ZNF483: variants seen among roughly 807,000 people sequenced by gnomAD.
ZNF483 encodes the protein zinc finger protein HIT-10.
In ZNF483, 9 loss-of-function variants were observed where a neutral mutation model predicts 28.6. The ratio of observed to expected loss-of-function variants is 0.32; its 90% CI spans 0.19 to 0.55. The LOEUF is 0.55. ZNF483 is among the 20% of genes least tolerant of loss of function. The pLI, the probability that ZNF483 is intolerant of heterozygous loss-of-function variation, is 0.93. For synonymous variants in ZNF483, 322 were observed against 306.2 expected, an observed-to-expected ratio of 1.05 and a Z score of -0.54; for missense variants, 675 against 871.7, an observed-to-expected ratio of 0.77 and a Z score of 2.84.
intron 5 of ZNF483, among the ~76,000 whole-genome samples, chr9:111,573,664 T>C (rs1032332030): frequency 2.6e-5 from 4 of 152,160 alleles, no homozygotes; most frequent in Non-Finnish European, 4.4e-5. Context: ...ATGAGGAGCT[T>C]AGAAGACTGG....
At chr9:111,541,531 A>G (rs1827669900) in intron 5 of ZNF483, 126 bp from the exon 6 acceptor site, 2 of 680,064 alleles carry the variant, frequency 2.9e-6, no homozygotes, top group East Asian at 2.9e-5. Flanking sequence ...CTATTTTACA[A>G]AGCTCTTTTT....
downstream of ZNF483, among the ~76,000 whole-genome samples, chr9:111,560,057 C>T (rs572819607): frequency 4.6e-5 from 7 of 152,132 alleles, 1 homozygote; most frequent in South Asian, 6.2e-4. Context: ...ATCTTCTGGC[C>T]GGGCATGGTG....
In ZNF483 at chr9:111,552,181, A is replaced by G. The variant is rs1200850819; in HGVS notation, c.*9011A>G. On this transcript the variant is annotated 3_prime_UTR_variant, in exon 6 of 6. Coordinates refer to ENST00000309235, the MANE Select transcript of ZNF483 (RefSeq NM_133464.5). ...TTTGGTAAGCATTTCTTTTGTTTCA[A>G]GGAAATCTTGAATTGGATTTTCTAG... 6.6e-6 allele frequency among the ~76,000 whole-genome samples: 1 copy of G among 152,194 alleles called. No individual in the cohort carries two copies. The highest frequency in any genetic ancestry group is 2.4e-5 in the African/African-American group (1 of 41,462).
chr9:111,534,669 A>G (rs1827436007), intron 5 of ZNF483, among the ~76,000 whole-genome samples: 2 of 151,320 alleles, frequency 1.3e-5, no homozygotes, highest in African/African-American at 2.4e-5. Context: ...GAGAACAGGA[A>G]GGAGGGCAGA....
intron 3 of ZNF483, among the ~76,000 whole-genome samples, chr9:111,532,914 A>G (rs1476164419): frequency 2.0e-5 from 3 of 152,142 alleles, no homozygotes; most frequent in South Asian, 2.1e-4. Context: ...GTCTCAAAAA[A>G]AAAAAAAGAA....
downstream of ZNF483, among the ~76,000 whole-genome samples, chr9:111,560,102 T>C (rs12342492): frequency 0.33 from 49,084 of 150,842 alleles, 8,927 homozygotes; most frequent in Non-Finnish European, 0.42. Context: ...TCCCAGCACT[T>C]TGGGAGGCCT....
In ZNF483 at chr9:111,543,734, A is replaced by G; in HGVS notation, c.*564A>G. 1 of 962,646 alleles carries G rather than the reference A, an allele frequency of 1.0e-6. No individual in the cohort carries two copies. The highest frequency in any genetic ancestry group is 1.2e-6 in the Non-Finnish European group (1 of 811,200). The allele number at this position is 962,646 out of a possible 1,614,324, so 59.6% of individuals were successfully genotyped here. A position where few individuals can be genotyped will look rare whatever the true frequency, so the allele number is the denominator to read the frequency against. ...TCAAGTTTCTCTAGTAAAAAATACA[A>G]TACCACTATTCAGGATGCTGGACTT... On this transcript the variant is annotated 3_prime_UTR_variant, in exon 6 of 6. Transcript: ENST00000309235.
rs58638722 is a variant in ZNF483, at chr9:111,551,400, GTTTTTTTTTTT to G, written c.*8245_*8255del. ...TAACTGAATCAAGTATCCAGTTTTT[GTTTTTTTTTTT>G]TTTTTTTTTTTTTTGAGATGGAGTC... On this transcript the variant is annotated 3_prime_UTR_variant, in exon 6 of 6. Transcript: ENST00000309235. 2.7e-5 allele frequency among the ~76,000 whole-genome samples: 2 copies of G among 74,430 alleles called. No individual in the cohort carries two copies. Among genetic ancestry groups the G allele is most frequent in the African/African-American group, 9.5e-5 (2 of 21,028 alleles). The allele number at this position is 74,430 out of a possible 152,430, so 48.8% of individuals were successfully genotyped here.
In ZNF483 at chr9:111,541,980, C is replaced by A. The variant is rs200816466; in HGVS notation, c.1045C>A (p.Arg349Ser). Residue 349 changes from arginine (R) to serine (S), a missense_variant, in exon 6 of 6, where the codon CGC becomes AGC. Around this residue, in one of 6 missense-constraint regions of ZNF483, gnomAD observed 525 missense variants for 581.8 expected, o/e 0.90. Coordinates refer to ENST00000309235, the MANE Select transcript of ZNF483 (RefSeq NM_133464.5). ...FSFHSDLVLNRKEKTAGEKSR... is the reference protein window; with the variant it reads ...FSFHSDLVLNSKEKTAGEKSR... ...TTTTCATTCAGACCTTGTTCTGAAC[C>A]GCAAGGAGAAAACCGCCGGAGAAAA... is the stretch of plus-strand genomic sequence containing the variant. 4 of 1,613,726 alleles carry A rather than the reference C, an allele frequency of 2.5e-6. No individual in the cohort carries two copies. In the African/African-American group the frequency reaches 5.3e-5, roughly 22 times the overall value.
chr9:111,554,048 G>A lies in ZNF483; in HGVS notation c.*10878G>A, dbSNP rs1001293298. Among the ~76,000 whole-genome samples, 1 of 152,200 alleles carries A rather than the reference G, an allele frequency of 6.6e-6. No individual in the cohort carries two copies. The highest frequency in any genetic ancestry group is 1.5e-5 in the Non-Finnish European group (1 of 68,022). ...AGCCTAGAAACAGCTGAGAACCACA[G>A]GTTTCAAACTCGGTGCCAAGGTTTC... On this transcript the variant is annotated 3_prime_UTR_variant, in exon 6 of 6. Transcript: ENST00000309235.
At chr9:111,533,184 A>C (rs2132230413) in intron 3 of ZNF483, among the ~76,000 whole-genome samples, 1 of 152,228 alleles carries the variant, frequency 6.6e-6, no homozygotes, top group East Asian at 1.9e-4. Context: ...AGTCCTAGAA[A>C]TCTATGTGTT....
rs750719424 is a variant in ZNF483, at chr9:111,543,101, C to T, written c.2166C>T (p.Asn722=). Residue 722 remains asparagine (N), a synonymous_variant, in exon 6 of 6, where the codon AAC becomes AAT. Transcript: ENST00000309235. ...IHTGRREYEC[N]ECEKTFKSNS... is the part of the protein sequence containing the mutation. ...CCGGAAGGAGAGAATATGAATGTAA[C>T]GAATGTGAGAAGACATTTAAAAGTA... 2.1e-5 allele frequency: 34 copies of T among 1,613,908 alleles called. No individual in the cohort carries two copies. The highest frequency in any genetic ancestry group is 3.3e-5 in the South Asian group (3 of 91,060).
intron 2 of ZNF483, among the ~76,000 whole-genome samples, chr9:111,528,356 CTATTT>C (rs1182375698): frequency 1.3e-5 from 2 of 152,184 alleles, no homozygotes; most frequent in Non-Finnish European, 2.9e-5. Flanking sequence ...CGACTAGTAA[CTATTT>C]TATAGTGCAG....
At chr9:111,568,261 C>T (rs555738064) in intron 5 of ZNF483, among the ~76,000 whole-genome samples, 10 of 152,126 alleles carry the variant, frequency 6.6e-5, no homozygotes, top group Non-Finnish European at 1.2e-4. Context: ...TAATTAATAT[C>T]CTGGGGAAGG....
At chr9:111,574,772 G>A (rs1441695959) in intron 5 of ZNF483, 1 of 1,613,766 alleles carries the variant, frequency 6.2e-7, no homozygotes, top group Admixed American at 1.7e-5. Context: ...TGTAGAGATG[G>A]CTCCACATAT....
At position 111,527,502 on chromosome 9, in the gene ZNF483, A is replaced by G. The variant is rs1274524429; in HGVS notation, c.107A>G (p.Glu36Gly). Residue 36 changes from glutamate to glycine, a missense_variant, in exon 2 of 6, where the codon GAA (glutamate) becomes GGA (glycine). Glu to Gly is a moderately conservative substitution (Grantham distance 98). Around this residue, in one of 6 missense-constraint regions of ZNF483, gnomAD observed 525 missense variants for 581.8 expected, o/e 0.90. Coordinates refer to ENST00000309235, the MANE Select transcript of ZNF483 (RefSeq NM_133464.5). The part of the protein sequence containing the change: ...NEVPRVVTSG[E>G]QEAILRGNAA... ...GTCCCAAGAGTGGTTACTTCTGGGG[A>G]ACAAGAAGCTATTTTAAGAGGAAAT... The G allele has an allele frequency of 1.9e-6, 3 of 1,614,086 alleles. No homozygotes were observed. The Admixed American group carries it at 5.0e-5, about 27-fold the overall frequency.
At chr9:111,573,856 G>GAACCTC (rs1335024718) in intron 5 of ZNF483, among the ~76,000 whole-genome samples, 1 of 152,142 alleles carries the variant, frequency 6.6e-6, no homozygotes, top group East Asian at 1.9e-4. Flanking sequence ...GAGGGATGTG[G>GAACCTC]TTTCAGCATA....
downstream of ZNF483, among the ~76,000 whole-genome samples, chr9:111,558,891 T>C (rs1200384481): frequency 6.6e-6 from 1 of 152,188 alleles, no homozygotes; most frequent in Non-Finnish European, 1.5e-5. Context: ...GCTTCCCTTA[T>C]CTTTAATTTA....
intron 5 of ZNF483, among the ~76,000 whole-genome samples, chr9:111,562,203 T>C (rs1489007334): frequency 6.6e-6 from 1 of 151,676 alleles, no homozygotes; most frequent in Non-Finnish European, 1.5e-5. Context: ...ATGTATAACA[T>C]GTATATGAAA....
Sources: allele counts gnomAD v4.1 joint callset (sites outside exome capture counted in the v4.1 genomes callset), GRCh38; gene constraint gnomAD v4.1.1; regional missense constraint gnomAD v4.1.1; transcripts MANE v1.5; gene names NCBI Gene and HGNC (gene_info 2026-07-23, HGNC 2026-07-21).